Variants in EIF2S2 observed in about 807,000 individuals in gnomAD.
EIF2S2 encodes eukaryotic translation initiation factor 2 subunit 2.
In EIF2S2, 4 loss-of-function variants were observed where a neutral mutation model predicts 44.0. That is an observed-to-expected ratio of 0.09 (90% CI 0.04 to 0.21). EIF2S2 has a LOEUF of 0.21. Among genes scored for constraint, EIF2S2 ranks in the 10% least tolerant of loss-of-function variants. EIF2S2 has a pLI of 1.00. For synonymous variants in EIF2S2, 108 were observed against 128.3 expected (o/e 0.84, Z 1.07); for missense variants, 154 against 392.0 (o/e 0.39, Z 5.13).
chr20:34,112,154 G>C lies in EIF2S2; in HGVS notation c.-44C>G, dbSNP rs1209099126. On this transcript the variant is annotated 5_prime_UTR_variant, in exon 1 of 9. Transcript: ENST00000374980. The stretch of plus-strand genomic sequence containing the variant: ...CTCGGCACGGACGGGAAGTCAGACG[G>C]GTCAGCCCCAGGCCCCGGCGGCAGC... 1 of 1,526,238 alleles carries C rather than the reference G, an allele frequency of 6.6e-7. No individual in the cohort carries two copies. 94.5% of individuals were successfully genotyped at this position (1,526,238 alleles called of 1,614,324 possible).
rs2034136862 is a variant in EIF2S2, at chr20:34,089,469, G to A, written c.*261C>T. The A allele has an allele frequency of 9.6e-6, 4 of 415,450 alleles. No individual in the cohort carries two copies. Among genetic ancestry groups the A allele is most frequent in the Non-Finnish European group, 1.7e-5 (4 of 236,392 alleles). 25.7% of individuals were successfully genotyped at this position (415,450 alleles called of 1,614,324 possible). On this transcript the variant is annotated 3_prime_UTR_variant, in exon 9 of 9. Transcript: ENST00000374980. The stretch of plus-strand genomic sequence containing the variant: ...TGTTATAATAACTTTAATTTATCTT[G>A]CATTTTACAGAAGTCTATGAACGAT...
intron 6 of EIF2S2, among the ~76,000 whole-genome samples, chr20:34,095,913 C>G (rs1206942086): frequency 6.6e-6 from 1 of 152,154 alleles, no homozygotes; most frequent in Non-Finnish European, 1.5e-5. Flanking sequence ...AGAAAACATG[C>G]AGCTGAGGAG....
At chr20:34,095,669 C>T (rs545565195) in intron 6 of EIF2S2, among the ~76,000 whole-genome samples, 8 of 152,198 alleles carry the variant, frequency 5.3e-5, no homozygotes, top group African/African-American at 1.7e-4. Context: ...TTTAGCATGT[C>T]TTTATCTTCT....
In EIF2S2 at chr20:34,089,132, G is replaced by C. The variant is rs2034130653; in HGVS notation, c.*598C>G. On this transcript the variant is annotated 3_prime_UTR_variant, in exon 9 of 9. Transcript: ENST00000374980. Reference sequence around the variant, plus strand: ...CAGCTGGGGGAGGACTTGGCGGTGAGGTAGTAGCAACCATCCCCACATACG... The same window carrying C: ...CAGCTGGGGGAGGACTTGGCGGTGACGTAGTAGCAACCATCCCCACATACG... 1 of 152,766 alleles carries C rather than the reference G, an allele frequency of 6.5e-6. No homozygotes were observed. Among genetic ancestry groups the C allele is most frequent in the Non-Finnish European group, 1.5e-5 (1 of 68,176 alleles). 9.5% of individuals were successfully genotyped at this position (152,766 alleles called of 1,614,324 possible). A position where few individuals can be genotyped will look rare whatever the true frequency, so the allele number is the denominator to read the frequency against.
At chr20:34,099,616 C>T (rs749212550) in intron 3 of EIF2S2, among the ~76,000 whole-genome samples, 2 of 152,152 alleles carry the variant, frequency 1.3e-5, no homozygotes, top group African/African-American at 2.4e-5. Flanking sequence ...GGTTTAAGGG[C>T]TCAGTTCCTC....
chr20:34,091,776 T>TTGGGG (rs4012181), intron 7 of EIF2S2, among the ~76,000 whole-genome samples: 2 of 95,814 alleles, frequency 2.1e-5, no homozygotes, highest in East Asian at 3.6e-4. Flanking sequence ...TTTATTTTTT[T>TTGGGG]GGGGGGGGGG....
At chr20:34,106,265 C>T (rs1011176102) in intron 1 of EIF2S2, among the ~76,000 whole-genome samples, 5 of 152,038 alleles carry the variant, frequency 3.3e-5, no homozygotes, top group Non-Finnish European at 7.4e-5. Flanking sequence ...GGGGCTGTTA[C>T]ACAGAGACTT....
intron 6 of EIF2S2, 56 bp from the exon 7 acceptor site, chr20:34,093,787 T>G: frequency 6.9e-7 from 1 of 1,453,866 alleles, no homozygotes. Flanking sequence ...CTCACCAAAC[T>G]TCTAAAAAAT....
At chr20:34,090,650 AG>A in intron 7 of EIF2S2, 48 bp from the exon 8 acceptor site, 2 of 1,175,032 alleles carry the variant, frequency 1.7e-6, no homozygotes, top group Non-Finnish European at 2.4e-6. Flanking sequence ...TTTTTCCTAA[AG>A]GAACCAAATT....
Position 34,096,923 on chromosome 20 carries a change from A to G in EIF2S2, c.535-118T>C. ...CACTTCTGATTAAATATACACATGC[A>G]TTACTACAAGTCTGGGAGCTCCTTG... is the stretch of plus-strand genomic sequence containing the variant. On this transcript the variant is annotated intron_variant, in intron 5 of 8. Transcript: ENST00000374980. 2.6e-6 allele frequency: 3 copies of G among 1,133,184 alleles called. No homozygotes were observed. The South Asian group carries it at 4.7e-5, about 18-fold the overall frequency. The allele number at this position is 1,133,184 out of a possible 1,614,324, so 70.2% of individuals were successfully genotyped here. A position where few individuals can be genotyped will look rare whatever the true frequency, so the allele number is the denominator to read the frequency against.
chr20:34,099,415 T>C (rs1025353822), intron 3 of EIF2S2, among the ~76,000 whole-genome samples: 39 of 152,180 alleles, frequency 2.6e-4, no homozygotes, highest in African/African-American at 9.4e-4. Context: ...ATCGGATTGA[T>C]GATCTTCAGC....
rs770724648 is a variant in EIF2S2 at position 34,112,088 on chromosome 20, A to G, written c.15+8T>C. On this transcript the variant is annotated splice_region_variant and intron_variant, in intron 1 of 8. Coordinates refer to ENST00000374980, the MANE Select transcript of EIF2S2 (RefSeq NM_003908.5). ...TCCTTAGCCCTTACGCCGGGCTCAGATCCTCACCTCGTCCCCAGACATGGC... is the reference window on the plus strand; with the variant it reads ...TCCTTAGCCCTTACGCCGGGCTCAGGTCCTCACCTCGTCCCCAGACATGGC... The G allele has an allele frequency of 3.2e-6, 5 of 1,560,880 alleles. No homozygotes were observed. The Admixed American group carries it at 9.3e-5, about 29-fold the overall frequency.
intron 2 of EIF2S2, among the ~76,000 whole-genome samples, chr20:34,104,129 T>C (rs2034323666): frequency 6.6e-6 from 1 of 152,228 alleles, no homozygotes; most frequent in South Asian, 2.1e-4. Flanking sequence ...CACTCTTCAC[T>C]GTTCCCAAGA....
At chr20:34,090,731 A>G (rs2034152728) in intron 7 of EIF2S2, 129 bp from the exon 8 acceptor site, 3 of 501,286 alleles carry the variant, frequency 6.0e-6, no homozygotes, top group Non-Finnish European at 1.0e-5. Flanking sequence ...GACTGGTGCT[A>G]TACTACTTGG....
In EIF2S2 at chr20:34,112,128, G is replaced by A; in HGVS notation, c.-18C>T. On this transcript the variant is annotated 5_prime_UTR_variant, in exon 1 of 9. Coordinates refer to ENST00000374980, the MANE Select transcript of EIF2S2 (RefSeq NM_003908.5). ...CCAGACATGGCTGCGGCTCGAGTGG[G>A]CTCGGCACGGACGGGAAGTCAGACG... is the stretch of plus-strand genomic sequence containing the variant. 1.3e-6 allele frequency: 2 copies of A among 1,545,348 alleles called. No individual in the cohort carries two copies. Among genetic ancestry groups the A allele is most frequent in the Non-Finnish European group, 1.7e-6 (2 of 1,143,404 alleles).
At chr20:34,098,299 T>C (rs2034255456) in intron 4 of EIF2S2, among the ~76,000 whole-genome samples, 199 bp downstream of exon 4, 1 of 151,964 alleles carries the variant, frequency 6.6e-6, no homozygotes, top group Non-Finnish European at 1.5e-5. Context: ...TGAATCAGTA[T>C]GTTTTTAATG....
Position 34,089,655 on chromosome 20 carries a change from G to A in EIF2S2, c.*75C>T, listed in dbSNP as rs2034139888. The A allele has an allele frequency of 1.9e-5, 28 of 1,504,998 alleles. No homozygotes were observed. The highest frequency in any genetic ancestry group is 4.2e-5 in the African/African-American group (3 of 71,682). The allele number at this position is 1,504,998 out of a possible 1,614,324, so 93.2% of individuals were successfully genotyped here. On this transcript the variant is annotated 3_prime_UTR_variant, in exon 9 of 9. Coordinates refer to ENST00000374980, the MANE Select transcript of EIF2S2 (RefSeq NM_003908.5). ...TTTTTTATCTTGTTTTTAATACAAC[G>A]GTATATCCACTCTGATGGCAAACCT...
intron 2 of EIF2S2, among the ~76,000 whole-genome samples, chr20:34,104,636 A>T (rs1041355634): frequency 6.6e-6 from 1 of 152,226 alleles, no homozygotes; most frequent in African/African-American, 2.4e-5. Flanking sequence ...ACCTACCATT[A>T]ATGAGTAATA....
At chr20:34,093,780 A>C in intron 6 of EIF2S2, 49 bp from the exon 7 acceptor site, 107 of 1,483,842 alleles carry the variant, frequency 7.2e-5, no homozygotes, top group Non-Finnish European at 8.6e-5. Flanking sequence ...TGGAAATCTC[A>C]CCAAACTTCT....
Sources: allele counts gnomAD v4.1 joint callset (sites outside exome capture counted in the v4.1 genomes callset), GRCh38; gene constraint gnomAD v4.1.1; transcripts MANE v1.5; gene names NCBI Gene and HGNC (gene_info 2026-07-23, HGNC 2026-07-21).